CMBL: variants seen among roughly 807,000 people sequenced by gnomAD.
The protein encoded by CMBL is carboxymethylenebutenolidase homolog.
Under a neutral mutation model 28.7 loss-of-function variants are expected in CMBL, and 17 were observed. The observed-to-expected ratio is 0.59, with a 90% CI of 0.41 to 0.89. The LOEUF (loss-of-function observed/expected upper bound fraction) is 0.89. Among genes scored for constraint, CMBL ranks in the 40% least tolerant of loss-of-function variants. The probability of loss-of-function intolerance (pLI) is 0.00; values close to 1 mark genes in which losing one functional copy is unlikely to be tolerated. For synonymous variants in CMBL, 106 were observed against 101.6 expected (o/e 1.04, Z -0.26); for missense variants, 310 against 298.5 (o/e 1.04, Z -0.28).
intron 1 of CMBL, among the ~76,000 whole-genome samples, chr5:10,301,607 T>G (rs112870791): frequency 1.7e-3 from 31 of 18,168 alleles, no homozygotes; most frequent in African/African-American, 5.4e-3. Flanking sequence ...TCTTTTCGGG[T>G]TTTTTTTTTT....
chr5:10,295,004 G>A (rs1290013120), intron 1 of CMBL, among the ~76,000 whole-genome samples: 2 of 152,124 alleles, frequency 1.3e-5, no homozygotes, highest in Admixed American at 6.5e-5. Context: ...AAGCTAAAAC[G>A]AAAACTTTGA....
intron 1 of CMBL, among the ~76,000 whole-genome samples, chr5:10,305,558 G>GTGTTTTT (rs781706202): frequency 3.3e-5 from 5 of 152,022 alleles, no homozygotes; most frequent in Admixed American, 2.6e-4. Flanking sequence ...TCACTGTTGA[G>GTGTTTTT]TGTTTTTTGT....
chr5:10,297,960 G>C (rs1362406720), intron 1 of CMBL, among the ~76,000 whole-genome samples: 2 of 152,178 alleles, frequency 1.3e-5, no homozygotes, highest in East Asian at 3.9e-4. Context: ...GAGGCGGGAC[G>C]AGGGCTGGGG....
rs945668588 is a variant in CMBL, at chr5:10,279,941, CTTAT to C, written c.*508_*511del. On this transcript the variant is annotated 3_prime_UTR_variant, in exon 6 of 6. Coordinates refer to ENST00000296658, the MANE Select transcript of CMBL (RefSeq NM_138809.4). Reference sequence around the variant, plus strand: ...TTTATTTTATTTATTTATTTATTTACTTATTTATTTTTGAGACAGGGTCTCACTC... The same window carrying C: ...TTTATTTTATTTATTTATTTATTTACTTATTTTTGAGACAGGGTCTCACTC... The C allele has an allele frequency of 6.6e-6, 1 of 151,926 alleles. No homozygotes were observed. Among genetic ancestry groups the C allele is most frequent in the African/African-American group, 2.4e-5 (1 of 41,350 alleles). The allele number at this position is 151,926 out of a possible 1,614,324, so 9.4% of individuals were successfully genotyped here. A position where few individuals can be genotyped will look rare whatever the true frequency, so the allele number is the denominator to read the frequency against.
At chr5:10,281,947 G>A (rs1390103386) in intron 5 of CMBL, among the ~76,000 whole-genome samples, 4 of 152,102 alleles carry the variant, frequency 2.6e-5, no homozygotes, top group Admixed American at 2.6e-4. Flanking sequence ...ATCACCTGAA[G>A]TCAGGAGTTC....
chr5:10,298,293 AC>A (rs1362909433), intron 1 of CMBL, among the ~76,000 whole-genome samples: 6 of 152,208 alleles, frequency 3.9e-5, no homozygotes, highest in African/African-American at 1.4e-4. Flanking sequence ...AATACTGAAT[AC>A]TTTTTTCTTG....
At chr5:10,300,835 T>TTA (rs1198115915) in intron 1 of CMBL, among the ~76,000 whole-genome samples, 1 of 147,474 alleles carries the variant, frequency 6.8e-6, no homozygotes, top group Non-Finnish European at 1.5e-5. Context: ...ATATATTTAT[T>TTA]TATATATATT....
intron 1 of CMBL, among the ~76,000 whole-genome samples, chr5:10,295,123 G>A (rs577507070): frequency 4.7e-5 from 7 of 150,060 alleles, no homozygotes; most frequent in African/African-American, 1.5e-4. Context: ...CGCTCTGGTT[G>A]CCCAGGCTGG....
At position 10,278,830 on chromosome 5, in the gene CMBL, A is replaced by G. The variant is rs1360403355; in HGVS notation, c.*1623T>C. On this transcript the variant is annotated 3_prime_UTR_variant, in exon 6 of 6. Transcript: ENST00000296658. ...GATGAGAGCCACAAGGTCATGTGCC[A>G]GGATAAACAAGCTTCCTGCGAGAGG... 6.6e-6 allele frequency among the ~76,000 whole-genome samples: 1 copy of G among 152,112 alleles called. No homozygotes were observed. The highest frequency in any genetic ancestry group is 1.9e-4 in the East Asian group (1 of 5,176).
intron 5 of CMBL, among the ~76,000 whole-genome samples, chr5:10,280,958 G>A (rs919748027): frequency 2.0e-5 from 3 of 152,036 alleles, no homozygotes; most frequent in Admixed American, 2.0e-4. Context: ...ATTTTTAGTA[G>A]AGACAGGGTT....
intron 5 of CMBL, among the ~76,000 whole-genome samples, chr5:10,281,051 G>A (rs1746490752): frequency 6.6e-6 from 1 of 152,252 alleles, no homozygotes; most frequent in Admixed American, 6.5e-5. Flanking sequence ...TGGGATTACA[G>A]GCGTGAGCCA....
intron 1 of CMBL, among the ~76,000 whole-genome samples, chr5:10,294,927 G>T (rs1746782542): frequency 6.6e-6 from 1 of 152,210 alleles, no homozygotes; most frequent in Admixed American, 6.5e-5. Flanking sequence ...TATTAAGGCT[G>T]AGGTATCTAT....
chr5:10,301,107 A>G (rs182517720), intron 1 of CMBL, among the ~76,000 whole-genome samples: 1 of 151,938 alleles, frequency 6.6e-6, no homozygotes, highest in Non-Finnish European at 1.5e-5. Context: ...AAAAATGGAG[A>G]TCGTGGGCTT....
At chr5:10,306,723 A>G (rs1194074372) in intron 1 of CMBL, among the ~76,000 whole-genome samples, 1 of 152,076 alleles carries the variant, frequency 6.6e-6, no homozygotes, top group Non-Finnish European at 1.5e-5. Flanking sequence ...TTCTCCAAAT[A>G]TTTATTTTTC....
intron 1 of CMBL, chr5:10,292,019 G>C (rs1008106197): frequency 6.6e-6 from 1 of 152,196 alleles, no homozygotes; most frequent in Non-Finnish European, 1.5e-5. Flanking sequence ...GAAGGAATTA[G>C]GAAATTAAAA....
At chr5:10,284,727 T>C (rs1421972470) in intron 4 of CMBL, among the ~76,000 whole-genome samples, 1 of 152,194 alleles carries the variant, frequency 6.6e-6, no homozygotes, top group Non-Finnish European at 1.5e-5. Context: ...CTTGAGATAT[T>C]TTCCATTTAT....
chr5:10,304,908 C>CA (rs1216765756), intron 1 of CMBL, among the ~76,000 whole-genome samples: 1 of 152,222 alleles, frequency 6.6e-6, no homozygotes, highest in Non-Finnish European at 1.5e-5. Context: ...GAGCTGGAAT[C>CA]AGACAGCCCA....
At chr5:10,290,350 T>A in intron 2 of CMBL, 198 bp downstream of exon 2, 1 of 583,150 alleles carries the variant, frequency 1.7e-6, no homozygotes, top group Non-Finnish European at 3.0e-6. Context: ...AACCCAGGAA[T>A]GGGGTTAGGA....
chr5:10,306,465 G>A (rs1747003204), intron 1 of CMBL, among the ~76,000 whole-genome samples: 1 of 152,006 alleles, frequency 6.6e-6, no homozygotes, highest in Admixed American at 6.6e-5. Context: ...GGAGAGGAGA[G>A]AAGGGAGGAA....
Sources: gnomAD v4.1 joint callset for allele counts (sites outside exome capture counted in the v4.1 genomes callset) on GRCh38, gnomAD v4.1.1 for gene constraint, MANE v1.5 for transcripts, NCBI Gene and HGNC (gene_info 2026-07-23, HGNC 2026-07-21) for gene names.